Variants in KIAA1549 observed in about 807,000 individuals in gnomAD.
KIAA1549 encodes UPF0606 protein KIAA1549.
In KIAA1549, 70 loss-of-function variants were observed where a neutral mutation model predicts 156.4. The ratio of observed to expected loss-of-function variants is 0.45; its 90% confidence interval spans 0.37 to 0.55. The LOEUF is 0.55. Among genes scored for constraint, KIAA1549 ranks in the 20% least tolerant of loss-of-function variants. The probability of loss-of-function intolerance (pLI) is 0.00; values close to 1 mark genes in which losing one functional copy is unlikely to be tolerated. For synonymous variants in KIAA1549, 1,103 were observed against 1,066.4 expected (o/e 1.03, Z -0.67); for missense variants, 2,428 against 2,540.9 (o/e 0.96, Z 0.96).
intron 15 of KIAA1549, among the ~76,000 whole-genome samples, chr7:138,866,716 G>A (rs545137015): frequency 6.6e-6 from 1 of 152,246 alleles, no homozygotes; most frequent in Non-Finnish European, 1.5e-5. Context: ...AATGCAGTCT[G>A]TGTGTATGCA....
At chr7:138,926,295 T>A (rs1265530619) in intron 1 of KIAA1549, among the ~76,000 whole-genome samples, 1 of 146,422 alleles carries the variant, frequency 6.8e-6, no homozygotes, top group Non-Finnish European at 1.5e-5. Flanking sequence ...TTTTTCTTTT[T>A]CTTTTTTTTT....
At chr7:138,976,776 T>C (rs576867838) in intron 1 of KIAA1549, among the ~76,000 whole-genome samples, 2 of 152,330 alleles carry the variant, frequency 1.3e-5, no homozygotes, top group South Asian at 2.1e-4. Context: ...GGGTTTACCA[T>C]ATCCGGATCA....
intron 1 of KIAA1549, among the ~76,000 whole-genome samples, chr7:138,945,169 T>C (rs17160629): frequency 0.03 from 4,618 of 152,272 alleles, 230 homozygotes; most frequent in African/African-American, 0.11. Context: ...GGAGTCCTGC[T>C]CTCAGAATCA....
chr7:138,877,052 C>A (rs1811105022), intron 12 of KIAA1549, among the ~76,000 whole-genome samples: 1 of 152,162 alleles, frequency 6.6e-6, no homozygotes, highest in African/African-American at 2.4e-5. Context: ...GGTAGCTGTA[C>A]CACCCGCAGG....
chr7:138,870,548 G>C (rs1810897166), intron 13 of KIAA1549, among the ~76,000 whole-genome samples: 1 of 152,174 alleles, frequency 6.6e-6, no homozygotes, highest in South Asian at 2.1e-4. Context: ...TATCCCCAAA[G>C]ACGGAAACCT....
intron 8 of KIAA1549, among the ~76,000 whole-genome samples, chr7:138,900,511 C>A (rs1462826786): frequency 6.6e-6 from 1 of 152,158 alleles, no homozygotes; most frequent in Non-Finnish European, 1.5e-5. Context: ...TCCCCAAAAT[C>A]CAGTGATACC....
intron 1 of KIAA1549, among the ~76,000 whole-genome samples, chr7:138,924,528 A>G (rs1812657791): frequency 6.6e-6 from 1 of 152,226 alleles, no homozygotes; most frequent in African/African-American, 2.4e-5. Context: ...AATTAAATCA[A>G]CTAGGCCTTC....
In KIAA1549 at chr7:138,861,440, G is replaced by A. The variant is rs754475436; in HGVS notation, c.4946C>T (p.Pro1649Leu). 5 of 1,610,294 alleles carry A rather than the reference G, an allele frequency of 3.1e-6. No individual in the cohort carries two copies. In the South Asian group the frequency reaches 4.4e-5, roughly 14 times the overall value. Residue 1649 changes from proline (P) to leucine (L), a missense_variant, in exon 16 of 20, where the codon CCA becomes CTA. This residue lies in a region of KIAA1549 where 404 missense variants were observed against 417.0 expected (regional missense o/e 0.97). Transcript: ENST00000422774. The stretch of plus-strand genomic sequence containing the variant: ...CGAGGATGGTGTCTGCACATCGGCT[G>A]GGAGGTCAGGATCCGACTACAATGA... ...YIGCPSDPDL[P>L]ADVQTPSSVE...
Position 138,833,402 on chromosome 7 carries a change from A to G in KIAA1549, c.*4504T>C. Reference sequence around the variant, plus strand: ...GAACACTTAGAAAAAAGTTGTGCGAAAGAAGGAACGCTGAACCTGTCCACG... The same window carrying G: ...GAACACTTAGAAAAAAGTTGTGCGAGAGAAGGAACGCTGAACCTGTCCACG... On this transcript the variant is annotated 3_prime_UTR_variant, in exon 20 of 20. Coordinates refer to ENST00000422774, the MANE Select transcript of KIAA1549 (RefSeq NM_001164665.2). 1 of 232,520 alleles carries G rather than the reference A, an allele frequency of 4.3e-6. No homozygotes were observed. The highest frequency in any genetic ancestry group is 8.5e-6 in the Non-Finnish European group (1 of 117,606). 14.4% of individuals were successfully genotyped at this position (232,520 alleles called of 1,614,324 possible).
chr7:138,869,596 C>T lies in KIAA1549; in HGVS notation c.4717G>A (p.Asp1573Asn), dbSNP rs757490511. Reference protein sequence around the residue: ...RVYRRAQMQIDKILDPTASVP... With the variant: ...RVYRRAQMQINKILDPTASVP... The stretch of plus-strand genomic sequence containing the variant: ...CTGGCCGTGGGGTCCAGGATCTTGT[C>T]GATCTGCATCTGTGCCCTGCGGTAC... Residue 1573 changes from aspartate to asparagine, a missense_variant, in exon 14 of 20, where the codon GAC becomes AAC. Transcript: ENST00000422774. 62 of 1,601,030 alleles carry T rather than the reference C, an allele frequency of 3.9e-5. No homozygotes were observed. Among genetic ancestry groups the T allele is most frequent in the Non-Finnish European group, 5.0e-5 (59 of 1,175,254 alleles).
At chr7:138,869,516 C>T (rs1053542244) in intron 14 of KIAA1549, 22 bp downstream of exon 14, 2 of 1,542,096 alleles carry the variant, frequency 1.3e-6, no homozygotes, top group Admixed American at 3.9e-5. Context: ...GCCCCACCGC[C>T]TAGCGCAGAG....
At position 138,917,466 on chromosome 7, in the gene KIAA1549, T is replaced by C. The variant is rs948215552; in HGVS notation, c.2160A>G (p.Ser720=). 1.2e-6 allele frequency: 2 copies of C among 1,613,852 alleles called. No individual in the cohort carries two copies. Among genetic ancestry groups the C allele is most frequent in the Non-Finnish European group, 1.7e-6 (2 of 1,179,874 alleles). ...LPSRSEVSPW[S]SFPSDSLEFV... Reference sequence around the variant, plus strand: ...ACTCGAGAGAATCAGAAGGGAAGCTTGACCATGGTGACACCTCAGAACGGC... The same window carrying C: ...ACTCGAGAGAATCAGAAGGGAAGCTCGACCATGGTGACACCTCAGAACGGC... The change falls in exon 2 of 20, where the codon TCA becomes TCG. Residue 720 remains serine, a synonymous_variant. Transcript: ENST00000422774.
At chr7:138,898,363 C>A (rs1408032678) in intron 9 of KIAA1549, among the ~76,000 whole-genome samples, 1 of 150,928 alleles carries the variant, frequency 6.6e-6, no homozygotes, top group Non-Finnish European at 1.5e-5. Flanking sequence ...CTACTGACAG[C>A]AGCCAGGGCC....
chr7:138,894,620 C>T, intron 9 of KIAA1549, 94 bp from the exon 10 acceptor site: 1 of 1,208,490 alleles, frequency 8.3e-7, no homozygotes, highest in South Asian at 1.4e-5. Context: ...AAGTCCCTGA[C>T]ATTCCAGCTC....
intron 1 of KIAA1549, among the ~76,000 whole-genome samples, chr7:138,940,034 C>CT (rs1479129490): frequency 6.6e-6 from 1 of 151,846 alleles, no homozygotes; most frequent in African/African-American, 2.4e-5. Flanking sequence ...TTTTATTATA[C>CT]TTTAAGTTTT....
chr7:138,895,330 T>C (rs553513229), intron 9 of KIAA1549, among the ~76,000 whole-genome samples: 14 of 152,342 alleles, frequency 9.2e-5, no homozygotes, highest in African/African-American at 3.4e-4. Flanking sequence ...GAGATGCTGA[T>C]GTTCGTAGCA....
intron 18 of KIAA1549, among the ~76,000 whole-genome samples, chr7:138,840,791 A>T (rs935779187): frequency 6.6e-6 from 1 of 151,772 alleles, no homozygotes; most frequent in African/African-American, 2.4e-5. Flanking sequence ...TGTGAGGGTG[A>T]CCCCTCCTCC....
rs73168924 is a variant in KIAA1549 at position 138,834,938 on chromosome 7, C to T, written c.*2968G>A. The T allele has an allele frequency of 0.13, 29,287 of 228,506 alleles. 2,183 individuals carry two copies. Among genetic ancestry groups the T allele is most frequent in the Middle Eastern group, 0.18 (135 of 770 alleles). 14.2% of individuals were successfully genotyped at this position (228,506 alleles called of 1,614,324 possible). A position where few individuals can be genotyped will look rare whatever the true frequency, so the allele number is the denominator to read the frequency against. On this transcript the variant is annotated 3_prime_UTR_variant, in exon 20 of 20. Coordinates refer to ENST00000422774, the MANE Select transcript of KIAA1549 (RefSeq NM_001164665.2). ...GGGAGAATGAAGTTCAGAGAAGGAA[C>T]CAGACATGGTCAGTGAGTGACAAAG...
intron 12 of KIAA1549, among the ~76,000 whole-genome samples, chr7:138,879,088 C>T (rs1043502881): frequency 6.6e-5 from 10 of 152,202 alleles, no homozygotes; most frequent in Non-Finnish European, 1.5e-4. Context: ...CATCTGATCA[C>T]ACTAAACCAC....
Sources: allele counts gnomAD v4.1 joint callset (sites outside exome capture counted in the v4.1 genomes callset), GRCh38; gene constraint gnomAD v4.1.1; regional missense constraint gnomAD v4.1.1; transcripts MANE v1.5; gene names NCBI Gene and HGNC (gene_info 2026-07-23, HGNC 2026-07-21).